The following GPBP1 variants were observed in gnomAD, a reference collection of about 807,000 sequenced individuals.
GPBP1 encodes GC-rich promoter binding protein 1.
Under a neutral mutation model 56.5 loss-of-function variants are expected in GPBP1, and 13 were observed. The ratio of observed to expected loss-of-function variants is 0.23; its 90% CI spans 0.15 to 0.37. The LOEUF (loss-of-function observed/expected upper bound fraction) is 0.37, where lower values mean the gene tolerates loss of function less well. GPBP1 is among the 10% of genes least tolerant of loss of function. The pLI is 1.00. For missense variants in GPBP1, 477 were observed against 572.3 expected (o/e 0.83, Z 1.70); for synonymous variants, 204 against 188.9 (o/e 1.08, Z -0.66).
chr5:57,243,294 T>C (rs1740920809), intron 6 of GPBP1, among the ~76,000 whole-genome samples: 1 of 152,126 alleles, frequency 6.6e-6, no homozygotes, highest in South Asian at 2.1e-4. Context: ...CTTGAACTCC[T>C]GACCTCGTGA....
At chr5:57,185,211 A>G (rs1273282126) in intron 2 of GPBP1, among the ~76,000 whole-genome samples, 1 of 150,420 alleles carries the variant, frequency 6.6e-6, no homozygotes, top group South Asian at 2.1e-4. Flanking sequence ...AGTTGTTATC[A>G]CCAGCCCTCT....
chr5:57,240,664 A>G (rs2111896645), intron 6 of GPBP1, among the ~76,000 whole-genome samples: 1 of 152,282 alleles, frequency 6.6e-6, no homozygotes, highest in Non-Finnish European at 1.5e-5. Context: ...GATGACCACA[A>G]AAATTATAAT....
chr5:57,238,226 G>T (rs1434083560), intron 6 of GPBP1, among the ~76,000 whole-genome samples: 2 of 152,218 alleles, frequency 1.3e-5, no homozygotes, highest in African/African-American at 4.8e-5. Flanking sequence ...GGAAGAAAGA[G>T]TGATGTATGT....
chr5:57,247,984 CCT>C (rs928373255), intron 8 of GPBP1, among the ~76,000 whole-genome samples: 9 of 152,130 alleles, frequency 5.9e-5, no homozygotes, highest in African/African-American at 2.2e-4. Flanking sequence ...GTCAAGTGAT[CCT>C]CTCTCCTCAG....
chr5:57,206,949 T>C (rs1755258865), intron 2 of GPBP1, among the ~76,000 whole-genome samples: 1 of 152,042 alleles, frequency 6.6e-6, no homozygotes, highest in Non-Finnish European at 1.5e-5. Context: ...AAAAATATTT[T>C]TAAAATTAGC....
At chr5:57,237,053 C>A (rs1334714960) in intron 6 of GPBP1, 5 of 1,188,454 alleles carry the variant, frequency 4.2e-6, no homozygotes, top group Admixed American at 2.0e-5. Context: ...TTTGTTAGAA[C>A]CATGTGAATG....
At chr5:57,195,891 T>C (rs1254169256) in intron 2 of GPBP1, among the ~76,000 whole-genome samples, 4 of 139,812 alleles carry the variant, frequency 2.9e-5, no homozygotes, top group Non-Finnish European at 1.5e-5. Context: ...TAGTCCCAGC[T>C]ACTCTGGAGG....
intron 10 of GPBP1, among the ~76,000 whole-genome samples, chr5:57,253,866 C>G (rs1178839908): frequency 6.6e-6 from 1 of 152,252 alleles, no homozygotes; most frequent in African/African-American, 2.4e-5. Context: ...TCAAGTGATA[C>G]TCCTGCCTCA....
At chr5:57,244,995 A>C (rs1310437433) in intron 6 of GPBP1, among the ~76,000 whole-genome samples, 1 of 152,148 alleles carries the variant, frequency 6.6e-6, no homozygotes, top group East Asian at 1.9e-4. Flanking sequence ...CTCATCTCCC[A>C]AAGTGCAGGG....
chr5:57,195,636 G>A (rs1179216980), intron 2 of GPBP1, among the ~76,000 whole-genome samples: 1 of 152,102 alleles, frequency 6.6e-6, no homozygotes, highest in Non-Finnish European at 1.5e-5. Flanking sequence ...GCCATTAGGA[G>A]CTAGCTGTGA....
chr5:57,194,353 C>A (rs754476957), intron 2 of GPBP1, among the ~76,000 whole-genome samples: 1 of 152,004 alleles, frequency 6.6e-6, no homozygotes, highest in African/African-American at 2.4e-5. Flanking sequence ...TGTATCAGAC[C>A]TTTTTGTTTG....
At chr5:57,246,270 G>A in intron 6 of GPBP1, 30 bp from the exon 7 acceptor site, 1 of 1,544,740 alleles carries the variant, frequency 6.5e-7, no homozygotes, top group Non-Finnish European at 8.8e-7. Context: ...GAAATTGTGA[G>A]TGACTCTTGG....
At chr5:57,236,305 A>G (rs951217868) in intron 6 of GPBP1, among the ~76,000 whole-genome samples, 1 of 152,204 alleles carries the variant, frequency 6.6e-6, no homozygotes, top group Non-Finnish European at 1.5e-5. Flanking sequence ...AGTGTAATGA[A>G]TTGATACCAT....
At chr5:57,193,261 A>T (rs1190801014) in intron 2 of GPBP1, among the ~76,000 whole-genome samples, 6 of 152,144 alleles carry the variant, frequency 3.9e-5, no homozygotes, top group Non-Finnish European at 5.9e-5. Context: ...GGTTGCAGTG[A>T]GCCGAGATCG....
chr5:57,216,309 C>G (rs1444029560), intron 3 of GPBP1, among the ~76,000 whole-genome samples: 1 of 152,204 alleles, frequency 6.6e-6, no homozygotes, highest in East Asian at 1.9e-4. Flanking sequence ...AACCTGTCTT[C>G]TTGATTACAG....
intron 2 of GPBP1, among the ~76,000 whole-genome samples, chr5:57,195,980 C>CAAAAAAA (rs1181097227): frequency 6.7e-4 from 20 of 29,748 alleles, no homozygotes; most frequent in Non-Finnish European, 8.1e-4. Context: ...AACTCCATCT[C>CAAAAAAA]AAAAAAAAAA....
intron 2 of GPBP1, among the ~76,000 whole-genome samples, chr5:57,181,205 T>A (rs1036090453): frequency 6.6e-6 from 1 of 152,022 alleles, no homozygotes; most frequent in African/African-American, 2.4e-5. Flanking sequence ...CATGGTGACA[T>A]GCGCCTGTAG....
At position 57,246,282 on chromosome 5, in the gene GPBP1, C is replaced by A; in HGVS notation, c.479-18C>A. The stretch of plus-strand genomic sequence containing the variant: ...CTTGAAATTGTGAGTGACTCTTGGT[C>A]ATGCTTTATTTATGCAGAATATCCT... On this transcript the variant is annotated intron_variant, in intron 6 of 11. Transcript: ENST00000506184. The A allele has an allele frequency of 6.3e-7, 1 of 1,589,650 alleles. No homozygotes were observed. Among genetic ancestry groups the A allele is most frequent in the South Asian group, 1.1e-5 (1 of 88,494 alleles).
chr5:57,192,583 G>A (rs530064274), intron 2 of GPBP1, among the ~76,000 whole-genome samples: 4 of 151,782 alleles, frequency 2.6e-5, no homozygotes, highest in South Asian at 2.1e-4. Flanking sequence ...GAGAAACTCC[G>A]TCTCTACTAA....
Sources: gnomAD v4.1 joint callset for allele counts (sites outside exome capture counted in the v4.1 genomes callset) on GRCh38, gnomAD v4.1.1 for gene constraint, MANE v1.5 for transcripts, NCBI Gene and HGNC (gene_info 2026-07-23, HGNC 2026-07-21) for gene names.